Variants in TBC1D21 observed in about 807,000 individuals in gnomAD.
TBC1D21 encodes male germ cell Rab GTPase-activating protein.
TBC1D21 carries 38 observed loss-of-function variants against 46.0 expected under a neutral mutation model. The observed-to-expected ratio is 0.83, with a 90% CI of 0.64 to 1.08. TBC1D21 has a LOEUF of 1.08. Ranked by LOEUF, TBC1D21 falls within the 50% of genes least tolerant of loss-of-function variation. TBC1D21 has a pLI of 0.00. For synonymous variants in TBC1D21, 151 were observed against 157.2 expected (o/e 0.96, Z 0.29); for missense variants, 415 against 417.9 (o/e 0.99, Z 0.06).
downstream of TBC1D21, among the ~76,000 whole-genome samples, chr15:73,891,532 C>T (rs926286043): frequency 6.6e-6 from 1 of 152,168 alleles, no homozygotes; most frequent in Non-Finnish European, 1.5e-5. Flanking sequence ...GGAGCCCCAC[C>T]CTCCCTGGCA....
rs749829556 is a variant in TBC1D21 at position 73,881,748 on chromosome 15, G to GT, written c.272+2dup. On this transcript the variant is annotated splice_donor_variant, in intron 3 of 10. Coordinates refer to ENST00000300504, the MANE Select transcript of TBC1D21 (RefSeq NM_153356.3). LOFTEE classifies it high-confidence loss of function. ...GGCTCACGGTGGACAGCATGAGGAGGTAGAACACTCCAGACCCTGCTGGGA... is the reference window on the plus strand; with the variant it reads ...GGCTCACGGTGGACAGCATGAGGAGGTTAGAACACTCCAGACCCTGCTGGGA... 70 of 1,613,462 alleles carry GT rather than the reference G, an allele frequency of 4.3e-5. No homozygotes were observed. The African/African-American group carries it at 8.9e-4, about 21-fold the overall frequency.
chr15:73,891,134 C>T (rs909812115), downstream of TBC1D21, among the ~76,000 whole-genome samples: 2 of 152,222 alleles, frequency 1.3e-5, no homozygotes, highest in Admixed American at 6.5e-5. Flanking sequence ...TCCCACCATG[C>T]TGCTATGCAG....
the TBC1D21 span, among the ~76,000 whole-genome samples, chr15:73,895,036 C>T: frequency 6.6e-6 from 1 of 152,174 alleles, no homozygotes; most frequent in Non-Finnish European, 1.5e-5. Flanking sequence ...AGTCTGGGTG[C>T]ACATTAGAAT....
chr15:73,897,488 G>A, the TBC1D21 span, among the ~76,000 whole-genome samples: 3 of 152,234 alleles, frequency 2.0e-5, no homozygotes, highest in Non-Finnish European at 4.4e-5. Flanking sequence ...TGCAGGATCT[G>A]TGGCTTCCCA....
intron 4 of TBC1D21, 121 bp downstream of exon 4, chr15:73,884,366 C>G (rs1006704772): frequency 1.1e-6 from 1 of 943,666 alleles, no homozygotes; most frequent in Non-Finnish European, 1.7e-6. Context: ...TTGACTTGTG[C>G]CTGGAGTTTC....
At chr15:73,898,948 G>C in the TBC1D21 span, among the ~76,000 whole-genome samples, 3 of 141,758 alleles carry the variant, frequency 2.1e-5, no homozygotes, top group Non-Finnish European at 4.6e-5. Context: ...GTTTCAATAT[G>C]GACCCAATAT....
In TBC1D21 at chr15:73,886,148, T is replaced by A. The variant is rs2068242028; in HGVS notation, c.650T>A (p.Leu217Gln). Residue 217 changes from leucine to glutamine, a missense_variant, in exon 7 of 11, where the codon CTG (leucine) becomes CAG (glutamine). By Grantham distance (113) the Leu-to-Gln change is moderately radical. Coordinates refer to ENST00000300504, the MANE Select transcript of TBC1D21 (RefSeq NM_153356.3). ...ATGCTCAGCACCCTGATCACCTTCC[T>A]GGACCCCGTGTTTGCTGAGCACCTA... is the stretch of plus-strand genomic sequence containing the variant. ...LDMLSTLITF[L>Q]DPVFAEHLKG... 1 of 1,614,224 alleles carries A rather than the reference T, an allele frequency of 6.2e-7. No homozygotes were observed. Among genetic ancestry groups the A allele is most frequent in the African/African-American group, 1.3e-5 (1 of 75,060 alleles).
chr15:73,875,940 G>T (rs934772745), intron 1 of TBC1D21, among the ~76,000 whole-genome samples: 1 of 152,206 alleles, frequency 6.6e-6, no homozygotes, highest in South Asian at 2.1e-4. Flanking sequence ...CATTAAAGGA[G>T]CCCAGATACA....
At chr15:73,894,299 C>T in the TBC1D21 span, among the ~76,000 whole-genome samples, 1 of 152,258 alleles carries the variant, frequency 6.6e-6, no homozygotes, top group African/African-American at 2.4e-5. Context: ...AGGCCCTCAT[C>T]TCACAGGCCA....
chr15:73,897,749 T>C, the TBC1D21 span, among the ~76,000 whole-genome samples: 2 of 152,180 alleles, frequency 1.3e-5, no homozygotes, highest in Admixed American at 6.5e-5. Context: ...GCTTTGGGTC[T>C]GAAAGGGGGA....
chr15:73,905,856 T>C, the TBC1D21 span, among the ~76,000 whole-genome samples: 4 of 152,186 alleles, frequency 2.6e-5, no homozygotes, highest in African/African-American at 9.7e-5. Flanking sequence ...CTGAGCAGCA[T>C]AGGACCAAGC....
chr15:73,905,336 T>A, the TBC1D21 span, among the ~76,000 whole-genome samples: 3 of 152,246 alleles, frequency 2.0e-5, no homozygotes, highest in African/African-American at 7.2e-5. Context: ...TGCTAAATGA[T>A]CTGATTGTTT....
At chr15:73,885,432 TC>T in intron 6 of TBC1D21, among the ~76,000 whole-genome samples, 1 of 152,242 alleles carries the variant, frequency 6.6e-6, no homozygotes, top group South Asian at 2.1e-4. Context: ...CGCTGCTTCT[TC>T]CTCAATGGCT....
At chr15:73,908,268 C>A in the TBC1D21 span, 2 of 152,258 alleles carry the variant, frequency 1.3e-5, no homozygotes, top group Non-Finnish European at 2.9e-5. Flanking sequence ...TGAAGCCAAG[C>A]AAATTCAGAG....
chr15:73,878,813 T>C (rs1223305757), intron 1 of TBC1D21, among the ~76,000 whole-genome samples: 3 of 152,236 alleles, frequency 2.0e-5, no homozygotes, highest in Non-Finnish European at 2.9e-5. Context: ...TTTCCTTTTA[T>C]AGTTAAGGAT....
chr15:73,901,196 T>A, the TBC1D21 span, among the ~76,000 whole-genome samples: 2 of 152,184 alleles, frequency 1.3e-5, no homozygotes, highest in Non-Finnish European at 1.5e-5. Flanking sequence ...CAAAGTTGAG[T>A]CCCTCTCCAT....
downstream of TBC1D21, among the ~76,000 whole-genome samples, chr15:73,892,211 T>C (rs2068343015): frequency 6.6e-6 from 1 of 152,212 alleles, no homozygotes; most frequent in Non-Finnish European, 1.5e-5. Flanking sequence ...AGCTGTTCTG[T>C]TGCTCAATAA....
the TBC1D21 span, among the ~76,000 whole-genome samples, chr15:73,909,179 G>A: frequency 2.8e-3 from 420 of 152,238 alleles, 2 homozygotes; most frequent in South Asian, 8.5e-3. Flanking sequence ...CGAGACCAGC[G>A]TGGACAACAT....
At chr15:73,876,400 G>GTTTTTTTTTTTTTTTTTTT in intron 1 of TBC1D21, among the ~76,000 whole-genome samples, 1 of 131,608 alleles carries the variant, frequency 7.6e-6, no homozygotes, top group Non-Finnish European at 1.6e-5. Context: ...GGTAATTTTT[G>GTTTTTTTTTTTTTTTTTTT]TTTTTTTTTT....
Sources: allele counts gnomAD v4.1 joint callset (sites outside exome capture counted in the v4.1 genomes callset), GRCh38; gene constraint gnomAD v4.1.1; transcripts MANE v1.5; gene names NCBI Gene and HGNC (gene_info 2026-07-23, HGNC 2026-07-21).